DIAPH2: variants seen among roughly 807,000 people sequenced by gnomAD.
DIAPH2 encodes the protein diaphanous related formin 2.
A neutral mutation model predicts 92.7 loss-of-function variants in DIAPH2; 35 were observed. That is an observed-to-expected ratio of 0.38 (90% confidence interval 0.29 to 0.50). DIAPH2 has a LOEUF of 0.50. Among genes scored for constraint, DIAPH2 ranks in the 20% least tolerant of loss-of-function variants. DIAPH2 has a pLI of 0.94. For missense variants in DIAPH2, 701 were observed against 819.5 expected, an observed-to-expected ratio of 0.86 and a Z score of 1.77; for synonymous variants, 301 against 280.4, an observed-to-expected ratio of 1.07 and a Z score of -0.73.
At chrX:97,188,799 A>G (rs1372805009) in intron 22 of DIAPH2, among the ~76,000 whole-genome samples, 1 of 112,348 alleles carries the variant, frequency 8.9e-6, no homozygotes, top group Non-Finnish European at 1.9e-5. Flanking sequence ...TAATTTTTAA[A>G]TGGTTTATTA....
In DIAPH2 at chrX:96,779,152, T is replaced by C. The variant is rs150148993; in HGVS notation, c.447+20894T>C. Reference sequence around the variant, plus strand: ...TTACTTCTGTATTTATCATCTGGTATTCTTCTGTAAAGTAGAACTTTCCCT... The same window carrying C: ...TTACTTCTGTATTTATCATCTGGTACTCTTCTGTAAAGTAGAACTTTCCCT... On this transcript the variant is annotated intron_variant, in intron 4 of 26. Transcript: ENST00000324765. Among the ~76,000 whole-genome samples, 833 of 112,182 alleles carry C rather than the reference T, an allele frequency of 7.4e-3. 6 individuals carry two copies. Among genetic ancestry groups the C allele is most frequent in the African/African-American group, 0.026 (803 of 30,947 alleles).
chrX:96,858,570 T>C (rs968634765), intron 4 of DIAPH2, among the ~76,000 whole-genome samples: 3 of 112,004 alleles, frequency 2.7e-5, no homozygotes, highest in African/African-American at 9.7e-5. Flanking sequence ...CCATGCAGGA[T>C]GCTATATTCA....
chrX:96,998,530 C>A (rs1338222411), intron 17 of DIAPH2, among the ~76,000 whole-genome samples: 1 of 111,682 alleles, frequency 9.0e-6, no homozygotes, highest in African/African-American at 3.3e-5. Context: ...TTGATTGAAG[C>A]CAAATACGTT....
intron 26 of DIAPH2, among the ~76,000 whole-genome samples, chrX:97,450,084 TAA>T (rs1301861944): frequency 1.8e-5 from 2 of 110,955 alleles, no homozygotes; most frequent in Non-Finnish European, 3.8e-5. Flanking sequence ...GCTCTTAAAA[TAA>T]AAAGACTTTT....
At chrX:97,441,544 G>A (rs777908598) in intron 26 of DIAPH2, among the ~76,000 whole-genome samples, 1 of 111,330 alleles carries the variant, frequency 9.0e-6, no homozygotes, top group African/African-American at 3.3e-5. Flanking sequence ...GGGGCCAGGC[G>A]CAGTGGCTCA....
intron 18 of DIAPH2, among the ~76,000 whole-genome samples, chrX:97,074,803 T>G (rs776421011): frequency 8.9e-6 from 1 of 112,314 alleles, no homozygotes; most frequent in Non-Finnish European, 1.9e-5. Context: ...ATCTCCACAC[T>G]AAGTTCTTCA....
chrX:97,033,099 G>C (rs2066387689), intron 17 of DIAPH2, among the ~76,000 whole-genome samples: 6 of 111,687 alleles, frequency 5.4e-5, no homozygotes, highest in Middle Eastern at 4.6e-3. Flanking sequence ...CAAAGAGGTT[G>C]CTTCTTTTTC....
chrX:97,309,343 C>A (rs1414811801), intron 23 of DIAPH2, among the ~76,000 whole-genome samples: 1 of 110,643 alleles, frequency 9.0e-6, no homozygotes, highest in Non-Finnish European at 1.9e-5. Flanking sequence ...TCAGGTGATC[C>A]GCCCACCTCA....
At chrX:97,389,456 ACT>A (rs1214938330) in intron 25 of DIAPH2, among the ~76,000 whole-genome samples, 1 of 88,191 alleles carries the variant, frequency 1.1e-5, no homozygotes, top group African/African-American at 4.5e-5. Context: ...ACAGAGCGAG[ACT>A]CTGTCTCAAA....
intron 26 of DIAPH2, among the ~76,000 whole-genome samples, chrX:97,439,773 T>C (rs934583350): frequency 2.9e-5 from 1 of 34,864 alleles, no homozygotes; most frequent in African/African-American, 1.1e-4. Flanking sequence ...GGGGGGTGGG[T>C]GGGGCCACCT....
intron 23 of DIAPH2, among the ~76,000 whole-genome samples, chrX:97,333,414 T>A (rs774169954): frequency 5.4e-5 from 6 of 111,598 alleles, no homozygotes; most frequent in African/African-American, 2.0e-4. Flanking sequence ...CCCTTACTTG[T>A]TTCTCAAGTT....
intron 25 of DIAPH2, among the ~76,000 whole-genome samples, chrX:97,416,104 G>C (rs896638349): frequency 8.0e-5 from 9 of 112,245 alleles, no homozygotes; most frequent in African/African-American, 2.3e-4. Context: ...AGTCAGACTG[G>C]CTATTTCCTG....
intron 17 of DIAPH2, among the ~76,000 whole-genome samples, chrX:96,991,855 G>T (rs142103305): frequency 0.039 from 4,381 of 110,922 alleles, 101 homozygotes; most frequent in Middle Eastern, 0.084. Flanking sequence ...TTGTGGGGTG[G>T]TATAAACAAA....
chrX:97,167,013 C>T (rs1040044979), intron 22 of DIAPH2, among the ~76,000 whole-genome samples: 10 of 112,001 alleles, frequency 8.9e-5, no homozygotes, highest in South Asian at 3.7e-4. Context: ...CTGAGATTAA[C>T]TAATATTGGT....
intron 26 of DIAPH2, among the ~76,000 whole-genome samples, chrX:97,592,731 G>T (rs2071525939): frequency 1.8e-5 from 2 of 111,772 alleles, no homozygotes; most frequent in Non-Finnish European, 1.9e-5. Flanking sequence ...GACATTTGGG[G>T]GTCTATTTTG....
chrX:97,603,660 A>G lies in DIAPH2; in HGVS notation c.*4343A>G, dbSNP rs1327764592. On this transcript the variant is annotated 3_prime_UTR_variant, in exon 27 of 27. Transcript: ENST00000324765. ...TAGACTTGAAAATTTCCTCAGCTAAACATCCAAGTTCATCATTTATTCAAC... is the reference window on the plus strand; with the variant it reads ...TAGACTTGAAAATTTCCTCAGCTAAGCATCCAAGTTCATCATTTATTCAAC... 8.9e-6 allele frequency: 1 copy of G among 112,308 alleles called. No individual in the cohort carries two copies. Among genetic ancestry groups the G allele is most frequent in the Non-Finnish European group, 1.9e-5 (1 of 53,303 alleles). 9.3% of individuals were successfully genotyped at this position (112,308 alleles called of 1,213,427 possible). A position where few individuals can be genotyped will look rare whatever the true frequency, so the allele number is the denominator to read the frequency against.
intron 5 of DIAPH2, among the ~76,000 whole-genome samples, chrX:96,898,793 T>C (rs2065368159): frequency 9.3e-6 from 1 of 107,089 alleles, no homozygotes; most frequent in Admixed American, 1.0e-4. Flanking sequence ...AGACACGAAG[T>C]CCTTGCCCAT....
At chrX:97,201,907 C>A (rs1044577715) in intron 22 of DIAPH2, among the ~76,000 whole-genome samples, 1 of 111,173 alleles carries the variant, frequency 9.0e-6, no homozygotes, top group African/African-American at 3.3e-5. Flanking sequence ...CTGTTAAGGG[C>A]AGCCAGAGAG....
Position 97,090,298 on chromosome X carries a change from C to CTTTTTTTTTT in DIAPH2, c.2248-9369_2248-9360dup, listed in dbSNP as rs760073834. ...GTGATCCTCTGATTGTCTCTGATCC[C>CTTTTTTTTTT]TTTTTTTTTTTTTTTTTTTTTTTTT... On this transcript the variant is annotated intron_variant, in intron 19 of 26. Coordinates refer to ENST00000324765, the MANE Select transcript of DIAPH2 (RefSeq NM_006729.5). Among the ~76,000 whole-genome samples, 7 of 38,871 alleles carry CTTTTTTTTTT rather than the reference C, an allele frequency of 1.8e-4. 1 individual carries two copies. Among genetic ancestry groups the CTTTTTTTTTT allele is most frequent in the Non-Finnish European group, 2.3e-4 (5 of 21,823 alleles). 33.8% of individuals were successfully genotyped at this position (38,871 alleles called of 115,157 possible).
Sources: allele counts gnomAD v4.1 joint callset (sites outside exome capture counted in the v4.1 genomes callset), GRCh38; gene constraint gnomAD v4.1.1; transcripts MANE v1.5; gene names NCBI Gene and HGNC (gene_info 2026-07-23, HGNC 2026-07-21).